FIGLA: variants seen among roughly 807,000 people sequenced by gnomAD.
FIGLA encodes the protein factor in the germline alpha.
FIGLA carries 17 observed loss-of-function variants against 21.5 expected under a neutral mutation model. The observed-to-expected ratio is 0.79, with a 90% CI of 0.54 to 1.19. The LOEUF is 1.19. Ranked by LOEUF, FIGLA falls within the 50% of genes most tolerant of loss-of-function variation. The pLI is 0.00. For synonymous variants in FIGLA, 129 were observed against 117.6 expected (o/e 1.10, Z -0.63); for missense variants, 282 against 285.0 (o/e 0.99, Z 0.08).
At chr2:70,780,634 T>C (rs782331064) in intron 3 of FIGLA, among the ~76,000 whole-genome samples, 4 of 152,184 alleles carry the variant, frequency 2.6e-5, no homozygotes, top group Non-Finnish European at 1.5e-5. Flanking sequence ...AACTCACATA[T>C]AATTAAAGAT....
At chr2:70,779,693 C>G (rs1211833000) in intron 3 of FIGLA, among the ~76,000 whole-genome samples, 1 of 152,102 alleles carries the variant, frequency 6.6e-6, no homozygotes, top group Non-Finnish European at 1.5e-5. Context: ...TACCAAGGCC[C>G]CTGTAACAGA....
intron 3 of FIGLA, among the ~76,000 whole-genome samples, chr2:70,784,592 G>A (rs969904982): frequency 1.7e-4 from 26 of 152,106 alleles, no homozygotes; most frequent in African/African-American, 6.3e-4. Context: ...TCTGTTCCCA[G>A]AGCCTACTCT....
chr2:70,781,196 GT>G (rs1675849523), intron 3 of FIGLA, among the ~76,000 whole-genome samples: 1 of 152,142 alleles, frequency 6.6e-6, no homozygotes, highest in Non-Finnish European at 1.5e-5. Flanking sequence ...TGCCATGAGT[GT>G]TAAAGTTCAA....
intron 3 of FIGLA, among the ~76,000 whole-genome samples, chr2:70,780,556 C>T (rs1316609126): frequency 6.6e-6 from 1 of 152,100 alleles, no homozygotes; most frequent in Non-Finnish European, 1.5e-5. Flanking sequence ...CTTGAGCCCA[C>T]CCTGGTTCCT....
In FIGLA at chr2:70,785,484, A is replaced by G. The variant is rs782503122; in HGVS notation, c.540T>C (p.Gly180=). The G allele has an allele frequency of 1.2e-6, 2 of 1,613,996 alleles. No individual in the cohort carries two copies. The highest frequency in any genetic ancestry group is 1.7e-6 in the Non-Finnish European group (2 of 1,179,874). ...EEGPWADGGS[G]EPAHACRHSV... ...TGTGGCGACAAGCGTGTGCTGGCTCACCACTGCCACCATCTGCCCAAGGCC... is the reference window on the plus strand; with the variant it reads ...TGTGGCGACAAGCGTGTGCTGGCTCGCCACTGCCACCATCTGCCCAAGGCC... The change falls in exon 3 of 5, where the codon GGT becomes GGC. Residue 180 remains glycine (G), a synonymous_variant. Coordinates refer to ENST00000332372, the MANE Select transcript of FIGLA (RefSeq NM_001004311.3).
chr2:70,786,323 G>T (rs1218120708), intron 2 of FIGLA, among the ~76,000 whole-genome samples: 1 of 150,816 alleles, frequency 6.6e-6, no homozygotes, highest in Non-Finnish European at 1.5e-5. Context: ...TTTTTGGGGG[G>T]GGACAGAGTC....
At chr2:70,781,425 C>G (rs1422421648) in intron 3 of FIGLA, among the ~76,000 whole-genome samples, 1 of 152,082 alleles carries the variant, frequency 6.6e-6, no homozygotes, top group Admixed American at 6.5e-5. Context: ...TCGCTGGCCA[C>G]AGTGGGGACA....
At chr2:70,781,186 T>G (rs1675849420) in intron 3 of FIGLA, among the ~76,000 whole-genome samples, 1 of 152,044 alleles carries the variant, frequency 6.6e-6, no homozygotes, top group African/African-American at 2.4e-5. Flanking sequence ...AGGTACAGCT[T>G]GCCATGAGTG....
chr2:70,790,268 GC>G, intron 1 of FIGLA, 139 bp downstream of exon 1: 2 of 733,112 alleles, frequency 2.7e-6, no homozygotes, highest in Non-Finnish European at 4.1e-6. Context: ...CTCCTGACAA[GC>G]TGGGGGCGTG....
chr2:70,781,031 G>A (rs993683933), intron 3 of FIGLA, among the ~76,000 whole-genome samples: 2 of 152,322 alleles, frequency 1.3e-5, no homozygotes, highest in African/African-American at 4.8e-5. Flanking sequence ...ATGGAAAGGG[G>A]CAGTTCAGCA....
At chr2:70,783,830 T>A (rs1553389475) in intron 3 of FIGLA, among the ~76,000 whole-genome samples, 2 of 151,800 alleles carry the variant, frequency 1.3e-5, no homozygotes, top group African/African-American at 4.8e-5. Flanking sequence ...CTTGAGTGAG[T>A]AACTGGGACT....
At chr2:70,782,888 G>A (rs1178414688) in intron 3 of FIGLA, among the ~76,000 whole-genome samples, 1 of 151,982 alleles carries the variant, frequency 6.6e-6, no homozygotes, top group African/African-American at 2.4e-5. Flanking sequence ...CCAACATGGT[G>A]AAACCCCATC....
intron 3 of FIGLA, 77 bp downstream of exon 3, chr2:70,785,338 G>A: frequency 8.3e-7 from 1 of 1,199,864 alleles, no homozygotes; most frequent in Admixed American, 2.1e-5. Flanking sequence ...TTTTAGCATG[G>A]AAAAATGACT....
At chr2:70,777,486 T>A (rs1434237617) in intron 4 of FIGLA, 104 bp from the exon 5 acceptor site, 11 of 1,348,166 alleles carry the variant, frequency 8.2e-6, no homozygotes, top group African/African-American at 1.5e-5. Context: ...TAATCAAAGA[T>A]GTTTAAATTT....
chr2:70,782,620 C>A (rs1210498908), intron 3 of FIGLA, among the ~76,000 whole-genome samples: 1 of 152,216 alleles, frequency 6.6e-6, no homozygotes, highest in Admixed American at 6.5e-5. Context: ...TGTGGCTATG[C>A]AGGGGAATGT....
intron 3 of FIGLA, among the ~76,000 whole-genome samples, chr2:70,783,454 T>C (rs1358106584): frequency 1.3e-5 from 2 of 152,156 alleles, no homozygotes; most frequent in South Asian, 2.1e-4. Flanking sequence ...TCCCATCAAA[T>C]GTACTTGCTA....
chr2:70,785,825 G>T (rs1399269060), intron 2 of FIGLA, among the ~76,000 whole-genome samples, 186 bp from the exon 3 acceptor site: 1 of 152,180 alleles, frequency 6.6e-6, no homozygotes. Flanking sequence ...ATCTTAAAAT[G>T]TTATGCAATA....
At chr2:70,784,199 C>T (rs1553389534) in intron 3 of FIGLA, among the ~76,000 whole-genome samples, 1 of 152,098 alleles carries the variant, frequency 6.6e-6, no homozygotes, top group African/African-American at 2.4e-5. Context: ...CACCACCTCT[C>T]TCCCCACCCC....
At position 70,790,629 on chromosome 2, in the gene FIGLA, CG is replaced by C; in HGVS notation, c.9del (p.Ala4ArgfsTer5). The C allele has an allele frequency of 2.1e-6, 3 of 1,413,444 alleles. No individual in the cohort carries two copies. The highest frequency in any genetic ancestry group is 2.8e-6 in the Non-Finnish European group (3 of 1,090,140). 87.6% of individuals were successfully genotyped at this position (1,413,444 alleles called of 1,614,324 possible). A position where few individuals can be genotyped will look rare whatever the true frequency, so the allele number is the denominator to read the frequency against. On this transcript the variant is annotated frameshift_variant, in exon 1 of 5. Coordinates refer to ENST00000332372, the MANE Select transcript of FIGLA (RefSeq NM_001004311.3). LOFTEE classifies it high-confidence loss of function. MD[P>X]APGVLDPRAA... ...GCGCGGGGATCTAGGACGCCGGGCG[CG>C]GGGTCCATGGCAGGGCCGAGGCCGC...
Sources: allele counts gnomAD v4.1 joint callset (sites outside exome capture counted in the v4.1 genomes callset), GRCh38; gene constraint gnomAD v4.1.1; transcripts MANE v1.5; gene names NCBI Gene and HGNC (gene_info 2026-07-23, HGNC 2026-07-21).